Variants in KCNH5 observed in about 807,000 individuals in gnomAD.
KCNH5 encodes the protein voltage-gated delayed rectifier potassium channel KCNH5.
Under a neutral mutation model 96.1 loss-of-function variants are expected in KCNH5, and 46 were observed. That is an observed-to-expected ratio of 0.48 (90% CI 0.38 to 0.61). KCNH5 has a LOEUF of 0.61. KCNH5 is among the 20% of genes least tolerant of loss of function. The pLI is 0.00. For synonymous variants in KCNH5, 439 were observed against 449.8 expected (o/e 0.98, Z 0.30); for missense variants, 907 against 1,225.8 (o/e 0.74, Z 3.88).
chr14:62,970,044 T>TAA (rs373852520), intron 6 of KCNH5, among the ~76,000 whole-genome samples: 14 of 30,404 alleles, frequency 4.6e-4, no homozygotes, highest in African/African-American at 1.1e-3. Flanking sequence ...AGACTCCGTC[T>TAA]AAAAAAAAAA....
chr14:62,817,358 C>A (rs543751270), intron 8 of KCNH5, among the ~76,000 whole-genome samples: 9 of 145,418 alleles, frequency 6.2e-5, no homozygotes, highest in Admixed American at 4.2e-4. Flanking sequence ...AAAAAAGAAC[C>A]AAACAGGAAT....
At chr14:63,002,880 G>T (rs1891037036) in intron 3 of KCNH5, among the ~76,000 whole-genome samples, 1 of 152,118 alleles carries the variant, frequency 6.6e-6, no homozygotes, top group Non-Finnish European at 1.5e-5. Flanking sequence ...ATCTCCCCGA[G>T]AGGCTTGTTC....
chr14:63,007,573 C>T (rs1891150103), intron 2 of KCNH5, among the ~76,000 whole-genome samples: 2 of 152,084 alleles, frequency 1.3e-5, no homozygotes, highest in Non-Finnish European at 2.9e-5. Flanking sequence ...ATTGTTTTGA[C>T]AAACATTTTT....
rs898728664 is a variant in KCNH5 at position 62,700,407 on chromosome 14, C to T, written c.*7101G>A. 2.0e-5 allele frequency: 3 copies of T among 152,160 alleles called. No homozygotes were observed. The highest frequency in any genetic ancestry group is 4.4e-5 in the Non-Finnish European group (3 of 68,022). 9.4% of individuals were successfully genotyped at this position (152,160 alleles called of 1,614,324 possible). Reference sequence around the variant, plus strand: ...CAGGTTCTAAGGTGGAAGGCGACTGCTTGATGGAAGATGCTGGTGCAGTCA... The same window carrying T: ...CAGGTTCTAAGGTGGAAGGCGACTGTTTGATGGAAGATGCTGGTGCAGTCA... On this transcript the variant is annotated 3_prime_UTR_variant, in exon 11 of 11. Coordinates refer to ENST00000322893, the MANE Select transcript of KCNH5 (RefSeq NM_139318.5).
At chr14:62,853,728 G>A (rs117239500) in intron 7 of KCNH5, among the ~76,000 whole-genome samples, 4,093 of 151,336 alleles carry the variant, frequency 0.027, 85 homozygotes, top group Non-Finnish European at 0.038. Context: ...CTGACTCATC[G>A]GCTGGGTGCA....
intron 2 of KCNH5, among the ~76,000 whole-genome samples, chr14:63,014,831 C>A (rs527463645): frequency 1.3e-5 from 2 of 152,118 alleles, no homozygotes; most frequent in South Asian, 4.1e-4. Context: ...GGCATGAAGA[C>A]GGGATGTCAG....
intron 7 of KCNH5, among the ~76,000 whole-genome samples, chr14:62,869,847 A>G (rs941435721): frequency 6.6e-6 from 1 of 152,208 alleles, no homozygotes; most frequent in Non-Finnish European, 1.5e-5. Flanking sequence ...GCAATGGGGA[A>G]AGGATTCCCT....
At chr14:63,021,355 A>T (rs1311596079) in intron 1 of KCNH5, among the ~76,000 whole-genome samples, 1 of 152,110 alleles carries the variant, frequency 6.6e-6, no homozygotes, top group Non-Finnish European at 1.5e-5. Context: ...CTATACAAAC[A>T]TGTTTCCCAT....
intron 5 of KCNH5, among the ~76,000 whole-genome samples, chr14:62,984,132 C>T (rs1326304025): frequency 6.6e-6 from 1 of 152,136 alleles, no homozygotes; most frequent in African/African-American, 2.4e-5. Context: ...ATTTGTGCTT[C>T]TATAAGCAAT....
chr14:62,878,266 C>G (rs938466210), intron 7 of KCNH5, among the ~76,000 whole-genome samples: 6 of 151,070 alleles, frequency 4.0e-5, no homozygotes, highest in African/African-American at 1.5e-4. Flanking sequence ...GTTAATGGGT[C>G]CAGCACACCA....
intron 1 of KCNH5, among the ~76,000 whole-genome samples, chr14:63,026,166 G>A (rs982587200): frequency 5.3e-5 from 8 of 152,002 alleles, no homozygotes; most frequent in Non-Finnish European, 1.0e-4. Context: ...TCCCACATCA[G>A]AAGAATAAAA....
chr14:62,795,016 C>A (rs1051744059), intron 9 of KCNH5, among the ~76,000 whole-genome samples: 1 of 152,098 alleles, frequency 6.6e-6, no homozygotes. Flanking sequence ...AAAGGAGCAA[C>A]TTATCAGAGA....
At chr14:62,796,106 T>C (rs1266511481) in intron 9 of KCNH5, among the ~76,000 whole-genome samples, 2 of 152,104 alleles carry the variant, frequency 1.3e-5, no homozygotes, top group Admixed American at 6.6e-5. Flanking sequence ...GCCATGCTCG[T>C]AGTTACATTT....
intron 8 of KCNH5, among the ~76,000 whole-genome samples, chr14:62,804,518 C>T (rs183206618): frequency 2.6e-5 from 4 of 151,910 alleles, no homozygotes; most frequent in Admixed American, 6.6e-5. Context: ...GGGAGGTGGG[C>T]GTGTAAAGGG....
At chr14:62,771,048 C>T (rs761656252) in intron 10 of KCNH5, among the ~76,000 whole-genome samples, 2 of 152,178 alleles carry the variant, frequency 1.3e-5, no homozygotes, top group African/African-American at 2.4e-5. Flanking sequence ...CTCTCACTCT[C>T]TCACACACAG....
At chr14:62,994,873 T>C (rs1890878497) in intron 4 of KCNH5, among the ~76,000 whole-genome samples, 1 of 152,130 alleles carries the variant, frequency 6.6e-6, no homozygotes. Context: ...ATTCTTGGCA[T>C]ACATTAACTA....
intron 7 of KCNH5, among the ~76,000 whole-genome samples, chr14:62,893,817 T>C (rs1218618491): frequency 6.6e-6 from 1 of 152,190 alleles, no homozygotes; most frequent in Non-Finnish European, 1.5e-5. Flanking sequence ...ATGACTCTAG[T>C]TTTGAAAGAA....
chr14:62,841,877 C>A (rs749686739), intron 8 of KCNH5, among the ~76,000 whole-genome samples: 4 of 152,198 alleles, frequency 2.6e-5, no homozygotes, highest in Non-Finnish European at 5.9e-5. Flanking sequence ...AAGTAGGGTA[C>A]TGAGCAAGTT....
intron 10 of KCNH5, among the ~76,000 whole-genome samples, chr14:62,720,725 T>C (rs1884793209): frequency 6.6e-6 from 1 of 152,156 alleles, no homozygotes; most frequent in Admixed American, 6.5e-5. Context: ...ATGTGCTGGA[T>C]GAATAATCCC....
Sources: allele counts gnomAD v4.1 joint callset (sites outside exome capture counted in the v4.1 genomes callset), GRCh38; gene constraint gnomAD v4.1.1; transcripts MANE v1.5; gene names NCBI Gene and HGNC (gene_info 2026-07-23, HGNC 2026-07-21).